Variants in SPIRE1 observed in about 807,000 individuals in gnomAD.
SPIRE1 encodes the protein protein spire homolog 1.
In SPIRE1, 40 loss-of-function variants were observed where a neutral mutation model predicts 94.1. That is an observed-to-expected ratio of 0.43 (90% CI 0.33 to 0.55). The LOEUF (loss-of-function observed/expected upper bound fraction) is 0.55, where lower values mean the gene tolerates loss of function less well. SPIRE1 is among the 20% of genes least tolerant of loss of function. SPIRE1 has a pLI of 0.06. For missense variants in SPIRE1, 838 were observed against 975.2 expected (o/e 0.86, Z 1.87); for synonymous variants, 376 against 371.7 (o/e 1.01, Z -0.13).
chr18:12,493,006 T>C (rs748685165), intron 8 of SPIRE1, 66 bp downstream of exon 8: 3 of 1,507,982 alleles, frequency 2.0e-6, no homozygotes, highest in Non-Finnish European at 2.7e-6. Flanking sequence ...TTCATGGGGC[T>C]GGGTGTATAA....
At chr18:12,595,977 T>C (rs1430941162) in intron 2 of SPIRE1, among the ~76,000 whole-genome samples, 1 of 152,166 alleles carries the variant, frequency 6.6e-6, no homozygotes, top group Admixed American at 6.5e-5. Context: ...TTATACAAAC[T>C]AGATTTACAA....
intron 1 of SPIRE1, among the ~76,000 whole-genome samples, chr18:12,640,124 T>C (rs1480780218): frequency 6.6e-6 from 1 of 152,206 alleles, no homozygotes; most frequent in Non-Finnish European, 1.5e-5. Context: ...CAAATTAAGG[T>C]AGCTACTTAT....
At chr18:12,557,552 G>A (rs1453920527) in intron 2 of SPIRE1, among the ~76,000 whole-genome samples, 1 of 152,068 alleles carries the variant, frequency 6.6e-6, no homozygotes, top group Admixed American at 6.6e-5. Flanking sequence ...CAAGCAGAGG[G>A]AGCCGGCTCC....
chr18:12,464,310 A>AACC (rs60680153), intron 11 of SPIRE1, among the ~76,000 whole-genome samples: 111,671 of 151,886 alleles, frequency 0.74, 41,558 homozygotes, highest in Middle Eastern at 0.93. Context: ...TAAATAATAA[A>AACC]ACTACTTAAA....
chr18:12,637,935 T>C (rs2037979548), intron 1 of SPIRE1, among the ~76,000 whole-genome samples: 1 of 152,204 alleles, frequency 6.6e-6, no homozygotes, highest in Admixed American at 6.5e-5. Flanking sequence ...AAAATTTTTG[T>C]GAGAATTCAA....
At chr18:12,582,818 T>C (rs2036291180) in intron 2 of SPIRE1, among the ~76,000 whole-genome samples, 1 of 152,172 alleles carries the variant, frequency 6.6e-6, no homozygotes, top group Non-Finnish European at 1.5e-5. Flanking sequence ...CATTGAACAC[T>C]TACCACCCAA....
intron 2 of SPIRE1, among the ~76,000 whole-genome samples, chr18:12,621,625 A>G (rs1420224825): frequency 1.3e-5 from 2 of 152,208 alleles, no homozygotes; most frequent in African/African-American, 4.8e-5. Flanking sequence ...AAAATAACCT[A>G]TGAGTCCGTG....
intron 2 of SPIRE1, among the ~76,000 whole-genome samples, chr18:12,616,381 A>G (rs2037309138): frequency 1.3e-5 from 2 of 152,230 alleles, no homozygotes; most frequent in Admixed American, 1.3e-4. Context: ...GAAATGGAAA[A>G]GCAAAGGACA....
At chr18:12,616,067 A>G (rs1258247731) in intron 2 of SPIRE1, among the ~76,000 whole-genome samples, 1 of 152,178 alleles carries the variant, frequency 6.6e-6, no homozygotes, top group East Asian at 1.9e-4. Context: ...AGGTATTAAC[A>G]AGCTCTTTGA....
chr18:12,464,074 G>A (rs747807320), intron 11 of SPIRE1, among the ~76,000 whole-genome samples: 2 of 152,162 alleles, frequency 1.3e-5, no homozygotes, highest in Non-Finnish European at 2.9e-5. Flanking sequence ...TCTATCTACA[G>A]AGTAGAGCTG....
chr18:12,518,991 C>T (rs1440602858), intron 4 of SPIRE1, among the ~76,000 whole-genome samples: 1 of 152,118 alleles, frequency 6.6e-6, no homozygotes, highest in Non-Finnish European at 1.5e-5. Context: ...GTCTCCCATG[C>T]AGAGTTAATG....
At chr18:12,500,075 T>C (rs1211352218) in intron 6 of SPIRE1, among the ~76,000 whole-genome samples, 1 of 152,072 alleles carries the variant, frequency 6.6e-6, no homozygotes, top group Admixed American at 6.6e-5. Context: ...AAGCTAATAA[T>C]GGGTACACAT....
intron 3 of SPIRE1, among the ~76,000 whole-genome samples, chr18:12,542,579 C>A (rs1319276087): frequency 1.3e-5 from 2 of 152,090 alleles, no homozygotes; most frequent in Non-Finnish European, 2.9e-5. Context: ...CTGCCCCCTT[C>A]CCTATTGGCC....
Position 12,657,669 on chromosome 18 carries a change from G to A in SPIRE1, c.198C>T (p.Cys66=). 1.5e-6 allele frequency: 2 copies of A among 1,348,044 alleles called. No homozygotes were observed. The highest frequency in any genetic ancestry group is 1.9e-6 in the Non-Finnish European group (2 of 1,046,282). The allele number at this position is 1,348,044 out of a possible 1,614,324, so 83.5% of individuals were successfully genotyped here. Residue 66 remains cysteine (C), a synonymous_variant, in exon 1 of 17, where the codon TGC becomes TGT. Transcript: ENST00000409402. ...GGCGGGCGGCGGCGCGCAGGGAACC[G>A]CAGCACTGGTAGCACACGGCCCACG... ...EQAWAVCYQC[C]GSLRAAARRR...
intron 1 of SPIRE1, chr18:12,653,341 C>A (rs1180469029): frequency 1.3e-5 from 2 of 152,150 alleles, no homozygotes; most frequent in African/African-American, 4.8e-5. Flanking sequence ...TGAGAAAGGA[C>A]CACAGGATTA....
chr18:12,623,305 C>A (rs9963755), intron 2 of SPIRE1, among the ~76,000 whole-genome samples: 2 of 151,926 alleles, frequency 1.3e-5, no homozygotes, highest in Non-Finnish European at 2.9e-5. Context: ...AGGCGCCCGC[C>A]ACCACGCCTG....
chr18:12,650,712 A>G (rs1361846118), intron 1 of SPIRE1, among the ~76,000 whole-genome samples: 4 of 11,282 alleles, frequency 3.5e-4, no homozygotes, highest in Non-Finnish European at 6.5e-4. Context: ...CCATCTCAGG[A>G]AAAAAAAAAA....
At chr18:12,657,439 CG>C in intron 1 of SPIRE1, 90 bp downstream of exon 1, 2 of 1,051,534 alleles carry the variant, frequency 1.9e-6, no homozygotes, top group Non-Finnish European at 2.4e-6. Context: ...GGGGGGACGG[CG>C]GGGGCGGAAG....
chr18:12,615,066 T>C (rs2037247619), intron 2 of SPIRE1, among the ~76,000 whole-genome samples: 1 of 151,406 alleles, frequency 6.6e-6, no homozygotes, highest in Non-Finnish European at 1.5e-5. Flanking sequence ...AGGTCATGCC[T>C]GTAATCCTAG....
Sources: gnomAD v4.1 joint callset for allele counts (sites outside exome capture counted in the v4.1 genomes callset) on GRCh38, gnomAD v4.1.1 for gene constraint, MANE v1.5 for transcripts, NCBI Gene and HGNC (gene_info 2026-07-23, HGNC 2026-07-21) for gene names.